The following ESRRG variants were observed in gnomAD, a reference collection of about 807,000 sequenced individuals.
The protein encoded by ESRRG is estrogen-related receptor gamma.
A neutral mutation model predicts 44.0 loss-of-function variants in ESRRG; 13 were observed. That is an observed-to-expected ratio of 0.30 (90% CI 0.19 to 0.47). ESRRG has a LOEUF of 0.47. ESRRG is among the 20% of genes least tolerant of loss of function. The pLI is 1.00. For synonymous variants in ESRRG, 215 were observed against 214.6 expected, an observed-to-expected ratio of 1.00 and a Z score of -0.02; for missense variants, 395 against 580.6, an observed-to-expected ratio of 0.68 and a Z score of 3.29.
intron 1 of ESRRG, among the ~76,000 whole-genome samples, chr1:217,013,331 G>T (rs2078901847): frequency 6.6e-6 from 1 of 152,216 alleles, no homozygotes; most frequent in African/African-American, 2.4e-5. Flanking sequence ...TGTCAAAGGG[G>T]TGTTTGAAGA....
intron 1 of ESRRG, among the ~76,000 whole-genome samples, chr1:217,085,513 A>T (rs111615873): frequency 0.12 from 10,766 of 89,516 alleles, 736 homozygotes; most frequent in Admixed American, 0.23. Context: ...TTTTTTTTAG[A>T]CGAAGTCTCA....
chr1:216,860,021 T>C (rs1005703926), intron 2 of ESRRG, among the ~76,000 whole-genome samples: 1 of 152,148 alleles, frequency 6.6e-6, no homozygotes, highest in Non-Finnish European at 1.5e-5. Flanking sequence ...CCCAACACTT[T>C]GGCAGGCCAA....
chr1:217,033,391 T>C (rs1241693078), intron 1 of ESRRG, among the ~76,000 whole-genome samples: 1 of 152,214 alleles, frequency 6.6e-6, no homozygotes, highest in East Asian at 1.9e-4. Flanking sequence ...ATTGAAGATA[T>C]TTTGGGTTCC....
chr1:216,684,715 T>G (rs2077605812), intron 1 of ESRRG, among the ~76,000 whole-genome samples: 1 of 152,202 alleles, frequency 6.6e-6, no homozygotes, highest in South Asian at 2.1e-4. Context: ...TCCAAATCAA[T>G]TCTTATGACA....
At chr1:216,718,742 G>T in intron 1 of ESRRG, among the ~76,000 whole-genome samples, 1 of 151,974 alleles carries the variant, frequency 6.6e-6, no homozygotes, top group Non-Finnish European at 1.5e-5. Flanking sequence ...AGCTGGCTAG[G>T]GCCGGAGCTC....
chr1:216,773,456 C>T (rs12144841), intron 2 of ESRRG, among the ~76,000 whole-genome samples: 34,138 of 151,918 alleles, frequency 0.22, 4,087 homozygotes, highest in Admixed American at 0.31. Context: ...TGAAGATTAC[C>T]GAACACCTTT....
At chr1:217,129,005 A>G (rs1383419242) in intron 1 of ESRRG, among the ~76,000 whole-genome samples, 2 of 152,194 alleles carry the variant, frequency 1.3e-5, no homozygotes, top group African/African-American at 2.4e-5. Context: ...TCAAAATTAA[A>G]AACTTCTATG....
intron 1 of ESRRG, among the ~76,000 whole-genome samples, chr1:216,962,670 G>A (rs747919644): frequency 3.3e-5 from 5 of 151,956 alleles, no homozygotes; most frequent in East Asian, 3.9e-4. Context: ...AAGCCAGCAC[G>A]CTACCAGAAT....
intron 1 of ESRRG, among the ~76,000 whole-genome samples, chr1:217,109,043 T>C (rs1190999028): frequency 6.6e-6 from 1 of 152,084 alleles, no homozygotes; most frequent in Non-Finnish European, 1.5e-5. Flanking sequence ...GTTGAAACTG[T>C]GGTATCTGAT....
chr1:216,932,673 T>G (rs1019533657), intron 2 of ESRRG, among the ~76,000 whole-genome samples: 50 of 150,698 alleles, frequency 3.3e-4, no homozygotes, highest in Non-Finnish European at 6.8e-4. Context: ...TCCTCCCACT[T>G]CAGTCTCCTG....
chr1:216,555,484 G>A (rs1272578383), intron 5 of ESRRG, among the ~76,000 whole-genome samples: 1 of 150,764 alleles, frequency 6.6e-6, no homozygotes, highest in Non-Finnish European at 1.5e-5. Context: ...TATAGTGTGT[G>A]TTATCATATC....
At chr1:216,965,057 C>G (rs975431137) in intron 1 of ESRRG, among the ~76,000 whole-genome samples, 1 of 152,008 alleles carries the variant, frequency 6.6e-6, no homozygotes, top group Non-Finnish European at 1.5e-5. Flanking sequence ...AAAGAGGGCA[C>G]AAAATATCTT....
At chr1:216,749,449 C>T (rs2091788924) in intron 2 of ESRRG, among the ~76,000 whole-genome samples, 2 of 152,260 alleles carry the variant, frequency 1.3e-5, no homozygotes, top group Non-Finnish European at 2.9e-5. Context: ...AGGGAATACG[C>T]TGTGTGTGGG....
chr1:217,080,745 T>C (rs1459825874), intron 1 of ESRRG, among the ~76,000 whole-genome samples: 1 of 147,620 alleles, frequency 6.8e-6, no homozygotes, highest in Non-Finnish European at 1.5e-5. Context: ...TGGCGCCATC[T>C]TGGCTCACTG....
chr1:216,962,100 T>C (rs2150186298), intron 1 of ESRRG, among the ~76,000 whole-genome samples: 1 of 152,104 alleles, frequency 6.6e-6, no homozygotes, highest in South Asian at 2.1e-4. Flanking sequence ...TAACTGCAAA[T>C]AGAAAGTCCA....
chr1:216,650,460 A>G (rs2068662682), intron 3 of ESRRG, among the ~76,000 whole-genome samples: 1 of 152,182 alleles, frequency 6.6e-6, no homozygotes, highest in South Asian at 2.1e-4. Context: ...CACTGTTGCT[A>G]TTTTATGTTT....
intron 1 of ESRRG, among the ~76,000 whole-genome samples, chr1:217,025,306 G>T (rs1318110670): frequency 3.9e-5 from 6 of 152,052 alleles, no homozygotes; most frequent in Admixed American, 3.3e-4. Flanking sequence ...GCTTAGTAGG[G>T]TGACATCTAT....
chr1:216,870,484 A>C (rs1305365109), intron 2 of ESRRG, among the ~76,000 whole-genome samples: 9 of 151,528 alleles, frequency 5.9e-5, no homozygotes, highest in Admixed American at 3.9e-4. Flanking sequence ...TACAAGGGTT[A>C]CTCTTTGGAG....
At position 216,716,645 on chromosome 1, in the gene ESRRG, T is replaced by C. The variant is rs574858473; in HGVS notation, c.56+6599A>G. On this transcript the variant is annotated intron_variant, in intron 1 of 6. Transcript: ENST00000408911. Reference sequence around the variant, plus strand: ...AAAAATGAGAAGTCACAGAGGAATATATATGACAAAGACTGTTTTTTATAA... The same window carrying C: ...AAAAATGAGAAGTCACAGAGGAATACATATGACAAAGACTGTTTTTTATAA... 2.0e-5 allele frequency among the ~76,000 whole-genome samples: 3 copies of C among 152,030 alleles called. No homozygotes were observed. The South Asian group carries it at 6.2e-4, about 31-fold the overall frequency.
Sources: gnomAD v4.1 joint callset for allele counts (sites outside exome capture counted in the v4.1 genomes callset) on GRCh38, gnomAD v4.1.1 for gene constraint, MANE v1.5 for transcripts, NCBI Gene and HGNC (gene_info 2026-07-23, HGNC 2026-07-21) for gene names.